Variants in CFAP61 observed in about 807,000 individuals in gnomAD.
CFAP61 encodes cilia- and flagella-associated protein 61.
Under a neutral mutation model 135.6 loss-of-function variants are expected in CFAP61, and 107 were observed. The ratio of observed to expected loss-of-function variants is 0.79; its 90% CI spans 0.67 to 0.93. The LOEUF is 0.93. CFAP61 is among the 40% of genes least tolerant of loss of function. The pLI, the probability that CFAP61 is intolerant of heterozygous loss-of-function variation, is 0.00. For synonymous variants in CFAP61, 575 were observed against 578.5 expected, an observed-to-expected ratio of 0.99 and a Z score of 0.09; for missense variants, 1,507 against 1,556.2, an observed-to-expected ratio of 0.97 and a Z score of 0.53.
At chr20:20,298,032 G>A (rs1327395487) in intron 24 of CFAP61, 149 bp from the exon 25 acceptor site, 17 of 609,374 alleles carry the variant, frequency 2.8e-5, no homozygotes, top group Admixed American at 8.3e-5. Flanking sequence ...ACCTTCTGCC[G>A]AGTTTAGTCA....
rs749106519 is a variant in CFAP61, at chr20:20,277,181, A to T, written c.2519A>T (p.Tyr840Phe). ...SITTEGNIIV[Y>F]GNTIDTYTTV... ...TCTTTCCTAGGGAATATCATTGTCT[A>T]TGGGAATACAATTGATACTTACACC... Residue 840 changes from tyrosine (Y) to phenylalanine (F), a missense_variant, in exon 22 of 27, where the codon TAT (tyrosine) becomes TTT (phenylalanine). Physicochemically the swap from Tyr to Phe is conservative, Grantham distance 22. Coordinates refer to ENST00000245957, the MANE Select transcript of CFAP61 (RefSeq NM_015585.4). 9 of 1,609,644 alleles carry T rather than the reference A, an allele frequency of 5.6e-6. No individual in the cohort carries two copies. The East Asian group carries it at 2.0e-4, about 36-fold the overall frequency.
chr20:20,246,792 C>T (rs972978725), intron 19 of CFAP61, among the ~76,000 whole-genome samples: 1 of 152,180 alleles, frequency 6.6e-6, no homozygotes, highest in East Asian at 1.9e-4. Context: ...CCTCTAGAAA[C>T]AAGCTCCTAA....
At chr20:20,059,654 A>G (rs973344626) in intron 2 of CFAP61, among the ~76,000 whole-genome samples, 20 of 152,032 alleles carry the variant, frequency 1.3e-4, no homozygotes, top group African/African-American at 4.6e-4. Context: ...AAATTATAAA[A>G]ATGAATAATC....
chr20:20,119,435 G>A (rs375437376), intron 8 of CFAP61, among the ~76,000 whole-genome samples: 1 of 151,876 alleles, frequency 6.6e-6, no homozygotes, highest in African/African-American at 2.4e-5. Flanking sequence ...ATGATCCTTT[G>A]TATTTTTGTG....
intron 13 of CFAP61, chr20:20,172,155 A>G (rs577996687): frequency 1.2e-6 from 1 of 861,998 alleles, no homozygotes; most frequent in Non-Finnish European, 1.4e-6. Context: ...GGAACATTAT[A>G]TCTAGTTTTT....
At chr20:20,287,220 A>T (rs543271455) in intron 22 of CFAP61, among the ~76,000 whole-genome samples, 5 of 152,274 alleles carry the variant, frequency 3.3e-5, no homozygotes, top group African/African-American at 7.2e-5. Flanking sequence ...TGAAAGAAAG[A>T]AGCATCCTGG....
chr20:20,256,398 G>A (rs6046765), intron 20 of CFAP61, among the ~76,000 whole-genome samples: 3 of 86,760 alleles, frequency 3.5e-5, no homozygotes, highest in Non-Finnish European at 6.7e-5. Flanking sequence ...GAAAAATTTA[G>A]GCCACACACA....
At chr20:20,322,400 C>G (rs1489621774) in intron 25 of CFAP61, among the ~76,000 whole-genome samples, 1 of 152,160 alleles carries the variant, frequency 6.6e-6, no homozygotes, top group African/African-American at 2.4e-5. Context: ...AGAGGGATGG[C>G]AGGGGGTTGA....
intron 2 of CFAP61, among the ~76,000 whole-genome samples, chr20:20,067,192 G>A (rs754765968): frequency 6.6e-6 from 1 of 152,108 alleles, no homozygotes; most frequent in African/African-American, 2.4e-5. Flanking sequence ...CTCTGATTTG[G>A]TGTGACATAC....
At chr20:20,077,512 G>C (rs549559948) in intron 6 of CFAP61, among the ~76,000 whole-genome samples, 3 of 152,310 alleles carry the variant, frequency 2.0e-5, no homozygotes, top group Non-Finnish European at 4.4e-5. Context: ...TGTTTGAAGA[G>C]GTTTATTCTG....
chr20:20,128,999 T>A (rs1174302198), intron 8 of CFAP61, among the ~76,000 whole-genome samples: 1 of 151,540 alleles, frequency 6.6e-6, no homozygotes, highest in Non-Finnish European at 1.5e-5. Flanking sequence ...TAACTATTAT[T>A]ATAATTGTTA....
At chr20:20,343,821 G>A (rs1569318207) in intron 26 of CFAP61, among the ~76,000 whole-genome samples, 1 of 152,184 alleles carries the variant, frequency 6.6e-6, no homozygotes, top group East Asian at 1.9e-4. Flanking sequence ...GGGAAGCCAT[G>A]GAAACTGTCA....
rs192261624 is a variant in CFAP61, at chr20:20,145,987, A to T, written c.951+3039A>T. 1.3e-3 allele frequency among the ~76,000 whole-genome samples: 200 copies of T among 152,358 alleles called. 2 individuals carry two copies. Among genetic ancestry groups the T allele is most frequent in the African/African-American group, 4.5e-3 (187 of 41,592 alleles). ...AAAGAAGATTTTAATGACAGTGTTG[A>T]CCAGCCTTGCCCCACCTCCTGGCCT... On this transcript the variant is annotated intron_variant, in intron 9 of 26. Coordinates refer to ENST00000245957, the MANE Select transcript of CFAP61 (RefSeq NM_015585.4).
chr20:20,195,747 G>C (rs1306502385), intron 15 of CFAP61, among the ~76,000 whole-genome samples: 1 of 152,144 alleles, frequency 6.6e-6, no homozygotes, highest in African/African-American at 2.4e-5. Context: ...CAATTACGCA[G>C]TTTTATAGCA....
intron 9 of CFAP61, among the ~76,000 whole-genome samples, chr20:20,148,911 T>C (rs556194465): frequency 2.6e-5 from 4 of 152,216 alleles, no homozygotes; most frequent in African/African-American, 9.6e-5. Context: ...CCTCATTCAA[T>C]ATGATGTTGA....
At chr20:20,280,621 C>G (rs2054134590) in intron 22 of CFAP61, among the ~76,000 whole-genome samples, 1 of 152,114 alleles carries the variant, frequency 6.6e-6, no homozygotes, top group South Asian at 2.1e-4. Flanking sequence ...TTTTTTATGG[C>G]TAAGTAGTAT....
At chr20:20,129,026 A>T (rs540579931) in intron 8 of CFAP61, among the ~76,000 whole-genome samples, 39 of 151,540 alleles carry the variant, frequency 2.6e-4, no homozygotes, top group East Asian at 5.8e-4. Flanking sequence ...TTATTATAAT[A>T]GTTATAACTA....
chr20:20,106,792 C>T (rs77234645), intron 8 of CFAP61, among the ~76,000 whole-genome samples: 1 of 152,070 alleles, frequency 6.6e-6, no homozygotes, highest in East Asian at 1.9e-4. Flanking sequence ...TGGGGTAGAT[C>T]ACAGTTTGTT....
intron 2 of CFAP61, among the ~76,000 whole-genome samples, chr20:20,065,051 C>T (rs946693897): frequency 2.0e-5 from 3 of 152,062 alleles, no homozygotes; most frequent in Admixed American, 1.3e-4. Flanking sequence ...TTGATGACGG[C>T]TTTGTGAGGA....
Sources: allele counts gnomAD v4.1 joint callset (sites outside exome capture counted in the v4.1 genomes callset), GRCh38; gene constraint gnomAD v4.1.1; transcripts MANE v1.5; gene names NCBI Gene and HGNC (gene_info 2026-07-23, HGNC 2026-07-21).